Variants in MAGI2 observed in about 807,000 individuals in gnomAD.
MAGI2 encodes the protein membrane associated guanylate kinase, WW and PDZ domain containing 2.
Under a neutral mutation model 133.3 loss-of-function variants are expected in MAGI2, and 35 were observed. That is an observed-to-expected ratio of 0.26 (90% CI 0.20 to 0.35). The LOEUF (loss-of-function observed/expected upper bound fraction) is 0.35. Among genes scored for constraint, MAGI2 ranks in the 10% least tolerant of loss-of-function variants. The probability of loss-of-function intolerance (pLI) is 1.00; values close to 1 mark genes in which losing one functional copy is unlikely to be tolerated. For synonymous variants in MAGI2, 729 were observed against 710.6 expected, an observed-to-expected ratio of 1.03 and a Z score of -0.41; for missense variants, 1,636 against 1,863.4, an observed-to-expected ratio of 0.88 and a Z score of 2.25.
chr7:79,098,323 G>C (rs1817685245), intron 1 of MAGI2, among the ~76,000 whole-genome samples: 1 of 152,084 alleles, frequency 6.6e-6, no homozygotes, highest in Admixed American at 6.6e-5. Flanking sequence ...CCTCTCACAT[G>C]GGAGATAATT....
rs567863237 is a variant in MAGI2, at chr7:79,194,388, T to G, written c.302-187182A>C. ...GGAATTAGTTTTTTCATTTAGTGATTATTCTCACAAGCAATCATAAATGTA... is the reference window on the plus strand; with the variant it reads ...GGAATTAGTTTTTTCATTTAGTGATGATTCTCACAAGCAATCATAAATGTA... On this transcript the variant is annotated intron_variant, in intron 1 of 21. Coordinates refer to ENST00000354212, the MANE Select transcript of MAGI2 (RefSeq NM_012301.4). 3.2e-4 allele frequency among the ~76,000 whole-genome samples: 49 copies of G among 152,076 alleles called. 1 individual carries two copies. The highest frequency in any genetic ancestry group is 1.1e-3 in the African/African-American group (46 of 41,446).
chr7:79,223,215 G>A (rs954107727), intron 1 of MAGI2, among the ~76,000 whole-genome samples: 1 of 151,888 alleles, frequency 6.6e-6, no homozygotes. Context: ...AAAAACAGAC[G>A]AAGGCAACTT....
chr7:78,905,795 G>C (rs1275737940), intron 2 of MAGI2, among the ~76,000 whole-genome samples: 1 of 152,162 alleles, frequency 6.6e-6, no homozygotes, highest in Non-Finnish European at 1.5e-5. Flanking sequence ...AATGCATTTA[G>C]TTTGGTGTGG....
At chr7:78,809,520 T>G (rs1009253722) in intron 2 of MAGI2, among the ~76,000 whole-genome samples, 2 of 152,218 alleles carry the variant, frequency 1.3e-5, no homozygotes, top group African/African-American at 4.8e-5. Flanking sequence ...GTGAGTCTAT[T>G]TAATTCTGGT....
intron 9 of MAGI2, among the ~76,000 whole-genome samples, chr7:78,270,845 C>CAGCAACACGTCTTATTTATTCTA (rs1794493812): frequency 6.6e-6 from 1 of 152,200 alleles, no homozygotes; most frequent in Non-Finnish European, 1.5e-5. Context: ...CCATTCTTCT[C>CAGCAACACGTCTTATTTATTCTA]AGCAACACGT....
At chr7:79,101,723 CAAAA>C (rs376256842) in intron 1 of MAGI2, among the ~76,000 whole-genome samples, 1 of 112,776 alleles carries the variant, frequency 8.9e-6, no homozygotes, top group Non-Finnish European at 1.7e-5. Context: ...GACTCTGTCA[CAAAA>C]AAAAAAAAAA....
intron 3 of MAGI2, among the ~76,000 whole-genome samples, chr7:78,547,094 T>G (rs1184531494): frequency 1.3e-5 from 2 of 152,170 alleles, no homozygotes; most frequent in Admixed American, 6.5e-5. Context: ...GAAACCAATT[T>G]TACTACAGGC....
At position 79,157,937 on chromosome 7, in the gene MAGI2, T is replaced by TGTGAGTGA. The variant is rs796329864; in HGVS notation, c.302-150732_302-150731insTCACTCAC. 9.1e-4 allele frequency among the ~76,000 whole-genome samples: 56 copies of TGTGAGTGA among 61,834 alleles called. 3 individuals are homozygous for TGTGAGTGA. The highest frequency in any genetic ancestry group is 1.7e-3 in the African/African-American group (55 of 32,298). 40.6% of individuals were successfully genotyped at this position (61,834 alleles called of 152,430 possible). A position where few individuals can be genotyped will look rare whatever the true frequency, so the allele number is the denominator to read the frequency against. ...TGAAGTAAATGCTACAGAATCTTTGTGTGAGTGTGTGTGTGTGTGTGTGTG... is the reference window on the plus strand; with the variant it reads ...TGAAGTAAATGCTACAGAATCTTTGTGTGAGTGAGTGAGTGTGTGTGTGTGTGTGTGTG... On this transcript the variant is annotated intron_variant, in intron 1 of 21. Transcript: ENST00000354212.
intron 1 of MAGI2, among the ~76,000 whole-genome samples, chr7:79,028,310 TATACACAC>T (rs1211559984): frequency 1.1e-5 from 1 of 89,926 alleles, no homozygotes; most frequent in African/African-American, 4.1e-5. Flanking sequence ...TATATATATA[TATACACAC>T]ATATATATAC....
At chr7:78,817,600 C>G (rs1441234390) in intron 2 of MAGI2, among the ~76,000 whole-genome samples, 1 of 152,178 alleles carries the variant, frequency 6.6e-6, no homozygotes, top group Admixed American at 6.5e-5. Context: ...CAGATTATGA[C>G]TCTGAAAGCT....
intron 2 of MAGI2, among the ~76,000 whole-genome samples, chr7:78,836,498 T>C (rs956767431): frequency 2.0e-5 from 3 of 152,182 alleles, no homozygotes; most frequent in African/African-American, 7.2e-5. Flanking sequence ...TGCTTATTGA[T>C]AGAGAGTACT....
At chr7:78,531,301 C>T (rs961336376) in intron 3 of MAGI2, among the ~76,000 whole-genome samples, 5 of 150,836 alleles carry the variant, frequency 3.3e-5, no homozygotes, top group African/African-American at 1.2e-4. Context: ...GCAATCTCTG[C>T]CTCCTGGGTT....
chr7:78,159,436 A>G (rs1031248299), intron 16 of MAGI2, among the ~76,000 whole-genome samples: 3 of 152,138 alleles, frequency 2.0e-5, no homozygotes, highest in South Asian at 2.1e-4. Context: ...AAACCCTCCA[A>G]TGGTTCCCAT....
chr7:78,086,643 T>TATTA (rs34096136), intron 20 of MAGI2, among the ~76,000 whole-genome samples: 5 of 149,760 alleles, frequency 3.3e-5, no homozygotes, highest in Non-Finnish European at 5.9e-5. Flanking sequence ...TTATTATTAT[T>TATTA]TTTTTTTTTG....
At chr7:79,058,962 G>A (rs1254828411) in intron 1 of MAGI2, among the ~76,000 whole-genome samples, 1 of 151,976 alleles carries the variant, frequency 6.6e-6, no homozygotes, top group Non-Finnish European at 1.5e-5. Context: ...CAAATAAGTT[G>A]TATAAAGCTT....
chr7:79,136,473 A>C lies in MAGI2; in HGVS notation c.302-129267T>G, dbSNP rs117377989. ...CCTTGTCTCCCATATGTTCAGCCTAATTCCGCCTCTCATCAGCTGCTGAAA... is the reference window on the plus strand; with the variant it reads ...CCTTGTCTCCCATATGTTCAGCCTACTTCCGCCTCTCATCAGCTGCTGAAA... On this transcript the variant is annotated intron_variant, in intron 1 of 21. Coordinates refer to ENST00000354212, the MANE Select transcript of MAGI2 (RefSeq NM_012301.4). Among the ~76,000 whole-genome samples, 22 of 152,322 alleles carry C rather than the reference A, an allele frequency of 1.4e-4. No individual in the cohort carries two copies. In the East Asian group the frequency reaches 3.7e-3, roughly 25 times the overall value.
intron 2 of MAGI2, among the ~76,000 whole-genome samples, chr7:78,882,779 C>T (rs554988634): frequency 6.6e-6 from 1 of 152,108 alleles, no homozygotes; most frequent in African/African-American, 2.4e-5. Context: ...TCAATAGACG[C>T]AAAGAAAGCT....
chr7:78,584,464 T>C (rs1348313813), intron 3 of MAGI2, among the ~76,000 whole-genome samples: 3 of 145,380 alleles, frequency 2.1e-5, no homozygotes, highest in East Asian at 2.0e-4. Flanking sequence ...ACAAAGACGT[T>C]AGACTAATGG....
At chr7:78,318,563 A>T (rs1329902688) in intron 9 of MAGI2, among the ~76,000 whole-genome samples, 2 of 152,216 alleles carry the variant, frequency 1.3e-5, no homozygotes, top group Non-Finnish European at 2.9e-5. Flanking sequence ...ATTATCCAGG[A>T]GAACTTCCCC....
Sources: gnomAD v4.1 joint callset for allele counts (sites outside exome capture counted in the v4.1 genomes callset) on GRCh38, gnomAD v4.1.1 for gene constraint, MANE v1.5 for transcripts, NCBI Gene and HGNC (gene_info 2026-07-23, HGNC 2026-07-21) for gene names.